Variants in SECISBP2L observed in about 807,000 individuals in gnomAD.
SECISBP2L encodes selenocysteine insertion sequence-binding protein 2-like.
In SECISBP2L, 43 loss-of-function variants were observed where a neutral mutation model predicts 114.7. That is an observed-to-expected ratio of 0.38 (90% confidence interval 0.29 to 0.48). The LOEUF is 0.48. Ranked by LOEUF, SECISBP2L falls within the 20% of genes least tolerant of loss-of-function variation. SECISBP2L has a pLI of 0.98. For missense variants in SECISBP2L, 1,136 were observed against 1,301.1 expected (o/e 0.87, Z 1.95); for synonymous variants, 451 against 439.7 (o/e 1.03, Z -0.32).
Position 48,989,131 on chromosome 15 carries a change from T to G in SECISBP2L, c.*3113A>C, listed in dbSNP as rs987274800. On this transcript the variant is annotated 3_prime_UTR_variant, in exon 18 of 18. Transcript: ENST00000559471. ...TACAGAAAATACATGACAAGGGTGTTTTTTTTTTTTAAGCAAACAGCAGCT... is the reference window on the plus strand; with the variant it reads ...TACAGAAAATACATGACAAGGGTGTGTTTTTTTTTTAAGCAAACAGCAGCT... 3 of 149,232 alleles carry G rather than the reference T, an allele frequency of 2.0e-5. No homozygotes were observed. The highest frequency in any genetic ancestry group is 4.5e-5 in the Non-Finnish European group (3 of 67,302). 9.2% of individuals were successfully genotyped at this position (149,232 alleles called of 1,614,324 possible).
At chr15:49,000,428 A>G (rs1293838432) in intron 15 of SECISBP2L, among the ~76,000 whole-genome samples, 1 of 152,114 alleles carries the variant, frequency 6.6e-6, no homozygotes, top group Non-Finnish European at 1.5e-5. Flanking sequence ...TGCTTTGTCT[A>G]CTACAGTCAC....
intron 5 of SECISBP2L, 140 bp downstream of exon 5, chr15:49,028,313 T>C (rs1239421124): frequency 2.0e-6 from 2 of 999,464 alleles, no homozygotes; most frequent in African/African-American, 1.6e-5. Flanking sequence ...TTTTTATTAA[T>C]AAAATACAAA....
intron 13 of SECISBP2L, 44 bp downstream of exon 13, chr15:49,011,687 T>C: frequency 6.2e-7 from 1 of 1,609,052 alleles, no homozygotes; most frequent in South Asian, 1.1e-5. Context: ...ATTAAAATAT[T>C]TCAGACCATT....
intron 13 of SECISBP2L, among the ~76,000 whole-genome samples, chr15:49,009,994 G>A (rs888436432): frequency 2.0e-4 from 31 of 152,022 alleles, no homozygotes; most frequent in African/African-American, 7.2e-4. Flanking sequence ...TTAGCCGGGC[G>A]TGGTGGCACA....
At chr15:49,015,750 C>A (rs992780274) in intron 11 of SECISBP2L, among the ~76,000 whole-genome samples, 2 of 152,078 alleles carry the variant, frequency 1.3e-5, no homozygotes, top group African/African-American at 4.8e-5. Context: ...TGATCAAAAC[C>A]CTTGTATGCA....
At chr15:49,031,338 G>A (rs1287166940) in intron 4 of SECISBP2L, among the ~76,000 whole-genome samples, 2 of 152,024 alleles carry the variant, frequency 1.3e-5, no homozygotes, top group African/African-American at 2.4e-5. Context: ...CATGAGCCAC[G>A]GCGCTCAGCC....
In SECISBP2L at chr15:48,992,727, A is replaced by G; in HGVS notation, c.2823T>C (p.Ser941=). Residue 941 remains serine (S), a synonymous_variant, in exon 18 of 18, where the codon AGT becomes AGC. Coordinates refer to ENST00000559471, the MANE Select transcript of SECISBP2L (RefSeq NM_001193489.2). The part of the protein sequence containing the change: ...SATSAGKSTA[S]DKEEVKPDDL... ...CATCTGGCTTCACTTCCTCTTTATC[A>G]CTTGCTGTGGATTTCCCAGCACTTG... 6.2e-7 allele frequency: 1 copy of G among 1,614,042 alleles called. No individual in the cohort carries two copies. The highest frequency in any genetic ancestry group is 1.3e-5 in the African/African-American group (1 of 74,980).
In SECISBP2L at chr15:49,012,667, C is replaced by A; in HGVS notation, c.1712G>T (p.Arg571Leu). Residue 571 changes from arginine (R) to leucine (L), a missense_variant, in exon 12 of 18, where the codon CGA (arginine) becomes CTA (leucine). By Grantham distance (102) the Arg-to-Leu change is moderately radical. This residue lies in a region of SECISBP2L where 684 missense variants were observed against 848.7 expected (regional missense o/e 0.81). Transcript: ENST00000559471. ...GTTTACCTTTTTAAGTGCTGTGGGT[C>A]GTTTTAGTTTTGCAATTTCCTTCTC... Reference protein sequence around the residue: ...GKEKEIAKLKRPTALKKVILK... With the variant: ...GKEKEIAKLKLPTALKKVILK... The A allele has an allele frequency of 1.2e-6, 2 of 1,613,084 alleles. No individual in the cohort carries two copies. The highest frequency in any genetic ancestry group is 2.2e-5 in the South Asian group (2 of 90,926).
At chr15:49,025,904 A>G (rs1353189365) in intron 7 of SECISBP2L, among the ~76,000 whole-genome samples, 1 of 152,222 alleles carries the variant, frequency 6.6e-6, no homozygotes, top group Non-Finnish European at 1.5e-5. Flanking sequence ...GGCCATCAGT[A>G]TGTTAAAGAG....
intron 1 of SECISBP2L, chr15:49,042,316 T>TTTTGTTTG (rs147743800): frequency 2.6e-5 from 4 of 152,410 alleles, no homozygotes. Flanking sequence ...TCCATAGGTT[T>TTTTGTTTG]TTTGTTTGTT....
chr15:49,019,333 C>T (rs776248845), intron 8 of SECISBP2L, 85 bp downstream of exon 8: 59 of 1,091,330 alleles, frequency 5.4e-5, no homozygotes, highest in Non-Finnish European at 6.5e-5. Flanking sequence ...ATAAAAAGTA[C>T]TCACAATGTT....
intron 1 of SECISBP2L, among the ~76,000 whole-genome samples, chr15:49,040,877 A>G (rs542460865): frequency 5.5e-4 from 84 of 152,196 alleles, no homozygotes; most frequent in Non-Finnish European, 1.2e-3. Context: ...AATAAAGCCC[A>G]TAACATTAAC....
intron 7 of SECISBP2L, among the ~76,000 whole-genome samples, chr15:49,024,761 A>G (rs888198554): frequency 3.3e-5 from 5 of 152,212 alleles, no homozygotes; most frequent in Non-Finnish European, 7.3e-5. Flanking sequence ...TTTGACTTAA[A>G]AAGACTCTGC....
chr15:49,027,851 C>T (rs1902780381), intron 6 of SECISBP2L, among the ~76,000 whole-genome samples: 1 of 152,090 alleles, frequency 6.6e-6, no homozygotes, highest in South Asian at 2.1e-4. Flanking sequence ...CCTCGTGATC[C>T]ACCCACCTCG....
chr15:48,999,649 T>C (rs1902163607), intron 16 of SECISBP2L, among the ~76,000 whole-genome samples, 184 bp downstream of exon 16: 1 of 152,212 alleles, frequency 6.6e-6, no homozygotes, highest in Non-Finnish European at 1.5e-5. Context: ...AGGATTAATC[T>C]ACATAAATCT....
intron 16 of SECISBP2L, 83 bp downstream of exon 16, chr15:48,999,745 AAACAT>A: frequency 7.1e-7 from 1 of 1,417,700 alleles, no homozygotes; most frequent in Non-Finnish European, 9.6e-7. Flanking sequence ...TCAAATGCTT[AAACAT>A]AACACTGGCA....
chr15:49,019,984 G>A (rs1050282241), intron 7 of SECISBP2L, among the ~76,000 whole-genome samples: 1 of 152,158 alleles, frequency 6.6e-6, no homozygotes. Flanking sequence ...CAAAAAGACT[G>A]TATGAAGGCA....
At chr15:49,009,673 A>T (rs1390099004) in intron 13 of SECISBP2L, among the ~76,000 whole-genome samples, 3 of 151,622 alleles carry the variant, frequency 2.0e-5, no homozygotes, top group Non-Finnish European at 4.4e-5. Flanking sequence ...TGGGAGTTTG[A>T]GGTCAGCCTG....
chr15:48,988,798 G>C lies in SECISBP2L; in HGVS notation c.*3446C>G, dbSNP rs1361803661. On this transcript the variant is annotated 3_prime_UTR_variant, in exon 18 of 18. Transcript: ENST00000559471. ...GTTATAACTCACACTAATTTTGCTAGTTTTTTATTAGAGCATTACAATTAA... is the reference window on the plus strand; with the variant it reads ...GTTATAACTCACACTAATTTTGCTACTTTTTTATTAGAGCATTACAATTAA... 2 of 224,956 alleles carry C rather than the reference G, an allele frequency of 8.9e-6. No individual in the cohort carries two copies. The highest frequency in any genetic ancestry group is 1.8e-5 in the Non-Finnish European group (2 of 108,712). The allele number at this position is 224,956 out of a possible 1,614,324, so 13.9% of individuals were successfully genotyped here.
Sources: gnomAD v4.1 joint callset for allele counts (sites outside exome capture counted in the v4.1 genomes callset) on GRCh38, gnomAD v4.1.1 for gene constraint, gnomAD v4.1.1 regional missense constraint, MANE v1.5 for transcripts, NCBI Gene and HGNC (gene_info 2026-07-23, HGNC 2026-07-21) for gene names.